The following HECW1 variants were observed in gnomAD, a reference collection of about 807,000 sequenced individuals.
HECW1 encodes the protein E3 ubiquitin-protein ligase HECW1.
HECW1 carries 61 observed loss-of-function variants against 182.3 expected under a neutral mutation model. The ratio of observed to expected loss-of-function variants is 0.33; its 90% CI spans 0.27 to 0.41. HECW1 has a LOEUF of 0.41. HECW1 is among the 10% of genes least tolerant of loss of function. The pLI is 1.00. For synonymous variants in HECW1, 859 were observed against 832.6 expected (o/e 1.03, Z -0.55); for missense variants, 1,739 against 2,108.9 (o/e 0.82, Z 3.44).
intron 2 of HECW1, among the ~76,000 whole-genome samples, chr7:43,187,369 G>A (rs1335998618): frequency 6.6e-6 from 1 of 152,208 alleles, no homozygotes; most frequent in Non-Finnish European, 1.5e-5. Flanking sequence ...GCTGAAGGTA[G>A]TGTCAAAGAA....
intron 6 of HECW1, among the ~76,000 whole-genome samples, chr7:43,370,536 C>T (rs2152819226): frequency 6.6e-6 from 1 of 152,314 alleles, no homozygotes; most frequent in Non-Finnish European, 1.5e-5. Context: ...TATGTCCATA[C>T]AAACATCTTC....
chr7:43,381,488 A>AT (rs34238162), intron 6 of HECW1, among the ~76,000 whole-genome samples: 11,840 of 134,984 alleles, frequency 0.088, 669 homozygotes, highest in East Asian at 0.23. Flanking sequence ...TGCATGGCTA[A>AT]TTTTTTTTTT....
chr7:43,509,921 TG>T (rs1374084921), intron 24 of HECW1: 1 of 152,362 alleles, frequency 6.6e-6, no homozygotes, highest in African/African-American at 2.4e-5. Flanking sequence ...CTGGGCCTGC[TG>T]GCCTTAGAAC....
At chr7:43,322,641 G>A (rs1348428006) in intron 5 of HECW1, among the ~76,000 whole-genome samples, 3 of 152,154 alleles carry the variant, frequency 2.0e-5, no homozygotes, top group South Asian at 2.1e-4. Context: ...ATTCAGCATA[G>A]GAAATATGGG....
chr7:43,252,072 A>G (rs890884474), intron 3 of HECW1, among the ~76,000 whole-genome samples: 3 of 152,130 alleles, frequency 2.0e-5, no homozygotes, highest in African/African-American at 7.2e-5. Flanking sequence ...CTCCCTTAAC[A>G]CACAGAATAT....
At chr7:43,180,296 G>T (rs1456960514) in intron 2 of HECW1, among the ~76,000 whole-genome samples, 1 of 118,282 alleles carries the variant, frequency 8.5e-6, no homozygotes, top group African/African-American at 3.5e-5. Context: ...TCCTTTTAAT[G>T]GTTGGAGGGT....
intron 6 of HECW1, among the ~76,000 whole-genome samples, chr7:43,362,800 CT>C (rs745929628): frequency 4.6e-5 from 7 of 152,334 alleles, no homozygotes; most frequent in African/African-American, 7.2e-5. Context: ...AGGGAAAACC[CT>C]TCCACTGCAG....
At chr7:43,215,621 A>C (rs1331114384) in intron 2 of HECW1, among the ~76,000 whole-genome samples, 1 of 152,176 alleles carries the variant, frequency 6.6e-6, no homozygotes, top group Non-Finnish European at 1.5e-5. Flanking sequence ...AAATGTTATC[A>C]CCACTCTTTA....
chr7:43,463,043 C>G (rs369754037), intron 13 of HECW1, among the ~76,000 whole-genome samples: 2 of 152,302 alleles, frequency 1.3e-5, no homozygotes, highest in African/African-American at 2.4e-5. Flanking sequence ...CAGCACAGAG[C>G]CTGCACACAT....
intron 6 of HECW1, among the ~76,000 whole-genome samples, chr7:43,365,509 C>A (rs1816529188): frequency 1.3e-5 from 2 of 152,200 alleles, no homozygotes; most frequent in South Asian, 4.1e-4. Flanking sequence ...GATTTAGAGG[C>A]TGGGTCATGT....
chr7:43,155,397 A>G (rs1789772158), intron 2 of HECW1, among the ~76,000 whole-genome samples: 1 of 152,202 alleles, frequency 6.6e-6, no homozygotes, highest in African/African-American at 2.4e-5. Context: ...GGGACAAAAA[A>G]GGTTCATAAC....
intron 3 of HECW1, among the ~76,000 whole-genome samples, chr7:43,256,191 T>C (rs1363616441): frequency 1.3e-5 from 2 of 152,222 alleles, no homozygotes; most frequent in Non-Finnish European, 2.9e-5. Flanking sequence ...TGCTTTATCA[T>C]ACAATCCAAA....
intron 2 of HECW1, among the ~76,000 whole-genome samples, chr7:43,215,175 G>A (rs897046766): frequency 6.6e-6 from 1 of 152,218 alleles, no homozygotes; most frequent in Non-Finnish European, 1.5e-5. Flanking sequence ...TTAATTACCA[G>A]TGACTGTATA....
At chr7:43,490,779 A>T (rs76789227) in intron 17 of HECW1, among the ~76,000 whole-genome samples, 23,990 of 152,098 alleles carry the variant, frequency 0.16, 2,430 homozygotes, top group South Asian at 0.23. Context: ...TGTTTTTGAG[A>T]TAGAGTCTTG....
chr7:43,136,320 T>C (rs968645441), intron 2 of HECW1, among the ~76,000 whole-genome samples: 2 of 152,222 alleles, frequency 1.3e-5, no homozygotes, highest in African/African-American at 4.8e-5. Flanking sequence ...GTTATATGTG[T>C]TTCTCTCATG....
chr7:43,170,416 G>T (rs150865270), intron 2 of HECW1, among the ~76,000 whole-genome samples: 1,600 of 152,232 alleles, frequency 0.011, 36 homozygotes, highest in African/African-American at 0.036. Context: ...TCCCAAAAAG[G>T]TTGGAGACCG....
At chr7:43,255,704 G>A (rs184063467) in intron 3 of HECW1, among the ~76,000 whole-genome samples, 1 of 152,086 alleles carries the variant, frequency 6.6e-6, no homozygotes, top group African/African-American at 2.4e-5. Flanking sequence ...TGTGCCAGGT[G>A]CAGGAGATGA....
chr7:43,248,709 TC>T lies in HECW1; in HGVS notation c.27+4779del, dbSNP rs763303719. ...CTCCTCCTCCTTTTCCTCCTCCTCC[TC>T]CTCCTCCTCCTCCTCCTTTTCCTCC... On this transcript the variant is annotated intron_variant, in intron 3 of 29. Coordinates refer to ENST00000395891, the MANE Select transcript of HECW1 (RefSeq NM_015052.5). 7.6e-3 allele frequency: 954 copies of T among 125,414 alleles called. 8 individuals are homozygous for T. Among genetic ancestry groups the T allele is most frequent in the Non-Finnish European group, 0.013 (767 of 60,384 alleles). The allele number at this position is 125,414 out of a possible 1,614,324, so 7.8% of individuals were successfully genotyped here.
chr7:43,328,933 A>G (rs927324079), intron 5 of HECW1, among the ~76,000 whole-genome samples: 1 of 152,062 alleles, frequency 6.6e-6, no homozygotes, highest in Non-Finnish European at 1.5e-5. Context: ...TCTTAGCCCT[A>G]TTGTGCTGGA....
Sources: gnomAD v4.1 joint callset for allele counts (sites outside exome capture counted in the v4.1 genomes callset) on GRCh38, gnomAD v4.1.1 for gene constraint, MANE v1.5 for transcripts, NCBI Gene and HGNC (gene_info 2026-07-23, HGNC 2026-07-21) for gene names.